Variants in FAM219A observed in about 807,000 individuals in gnomAD.
The protein encoded by FAM219A is family with sequence similarity 219 member A, also known as protein FAM219A.
A neutral mutation model predicts 23.4 loss-of-function variants in FAM219A; 7 were observed. That is an observed-to-expected ratio of 0.30 (90% CI 0.17 to 0.56). FAM219A has a LOEUF of 0.56. FAM219A is among the 20% of genes least tolerant of loss of function. FAM219A has a pLI of 0.92. For missense variants in FAM219A, 166 were observed against 246.9 expected (o/e 0.67, Z 2.20); for synonymous variants, 93 against 99.0 (o/e 0.94, Z 0.36).
intron 1 of FAM219A, among the ~76,000 whole-genome samples, chr9:34,427,998 C>T (rs866177050): frequency 1.2e-4 from 18 of 152,176 alleles, no homozygotes; most frequent in Non-Finnish European, 1.8e-4. Flanking sequence ...TTCTTTGTGA[C>T]TAAAGGGCTA....
intron 1 of FAM219A, among the ~76,000 whole-genome samples, chr9:34,416,278 G>GGAAGGAAGGAAC (rs1490651502): frequency 5.5e-5 from 6 of 109,914 alleles, no homozygotes; most frequent in Non-Finnish European, 1.3e-4. Context: ...AGGGAGGGAA[G>GGAAGGAAGGAAC]GAAGGAAGGA....
chr9:34,401,846 A>T lies in FAM219A; in HGVS notation c.345-126T>A, dbSNP rs1821447410. ...CAGTTCCAAATAGCAAAATCTCAATACGAACTGTGCTTGCTGTGCAAATGC... is the reference window on the plus strand; with the variant it reads ...CAGTTCCAAATAGCAAAATCTCAATTCGAACTGTGCTTGCTGTGCAAATGC... On this transcript the variant is annotated intron_variant, in intron 4 of 5. Transcript: ENST00000651358. 2.9e-6 allele frequency: 3 copies of T among 1,025,558 alleles called. No individual in the cohort carries two copies. In the South Asian group the frequency reaches 4.5e-5, roughly 15 times the overall value. 63.5% of individuals were successfully genotyped at this position (1,025,558 alleles called of 1,614,324 possible).
At chr9:34,432,730 G>T (rs892953242) in intron 1 of FAM219A, among the ~76,000 whole-genome samples, 1 of 152,102 alleles carries the variant, frequency 6.6e-6, no homozygotes, top group African/African-American at 2.4e-5. Flanking sequence ...CTGGCGTCAC[G>T]TTCCTCCCCC....
chr9:34,449,477 C>T (rs1823487848), intron 1 of FAM219A, among the ~76,000 whole-genome samples: 1 of 152,122 alleles, frequency 6.6e-6, no homozygotes. Context: ...GCCTGTGCAC[C>T]TAACCAAAGT....
rs537177693 is a variant in FAM219A at position 34,439,208 on chromosome 9, T to G, written c.60+18996A>C. Among the ~76,000 whole-genome samples the G allele has an allele frequency of 1.4e-4, 22 of 152,202 alleles. No individual in the cohort carries two copies. The East Asian group carries it at 4.2e-3, about 29-fold the overall frequency. On this transcript the variant is annotated intron_variant, in intron 1 of 5. Coordinates refer to ENST00000651358, the MANE Select transcript of FAM219A (RefSeq NM_001184940.2). ...AGAACTGTAACACTCACCGCGAGGG[T>G]CCGCGGCTTTATTCTTGAAGTCAGT...
At position 34,457,117 on chromosome 9, in the gene FAM219A, G is replaced by A. The variant is rs949415212; in HGVS notation, c.60+1087C>T. ...CAGCCAGCACAGCTCAGAGAAATGG[G>A]GCATCCACACTTTCGGATTTGTAGC... On this transcript the variant is annotated intron_variant, in intron 1 of 5. Coordinates refer to ENST00000651358, the MANE Select transcript of FAM219A (RefSeq NM_001184940.2). This position sits in a 1 kb window ranked among gnomAD's most constrained non-coding sequence, Gnocchi z 5.1. 6.6e-6 allele frequency among the ~76,000 whole-genome samples: 1 copy of A among 152,170 alleles called. No homozygotes were observed. Among genetic ancestry groups the A allele is most frequent in the African/African-American group, 2.4e-5 (1 of 41,438 alleles).
intron 1 of FAM219A, among the ~76,000 whole-genome samples, chr9:34,412,399 A>G (rs12377360): frequency 0.12 from 18,978 of 152,270 alleles, 1,565 homozygotes; most frequent in Non-Finnish European, 0.18. Flanking sequence ...AAGTTATTAA[A>G]TGCAGAAGAA....
chr9:34,438,588 A>G (rs1239676788), intron 1 of FAM219A, among the ~76,000 whole-genome samples: 1 of 152,156 alleles, frequency 6.6e-6, no homozygotes, highest in Non-Finnish European at 1.5e-5. Flanking sequence ...AAATACACCA[A>G]TCGGCACTCT....
chr9:34,453,317 A>C (rs1026269342), intron 1 of FAM219A, among the ~76,000 whole-genome samples: 5 of 152,120 alleles, frequency 3.3e-5, no homozygotes, highest in Non-Finnish European at 7.4e-5. Context: ...CCACTGAATT[A>C]ATGTCCCGTC....
intron 1 of FAM219A, among the ~76,000 whole-genome samples, chr9:34,445,573 T>G (rs1443913683): frequency 6.6e-6 from 1 of 152,154 alleles, no homozygotes; most frequent in African/African-American, 2.4e-5. Flanking sequence ...ATGGCTGGAC[T>G]TACTAGAAAG....
Position 34,402,684 on chromosome 9 carries a change from T to TG in FAM219A, c.263+20dup, listed in dbSNP as rs759205089. 2.5e-6 allele frequency: 4 copies of TG among 1,612,036 alleles called. No individual in the cohort carries two copies. The South Asian group carries it at 4.4e-5, about 18-fold the overall frequency. On this transcript the variant is annotated intron_variant, in intron 3 of 5. Coordinates refer to ENST00000651358, the MANE Select transcript of FAM219A (RefSeq NM_001184940.2). ...TAGGTCCTGGCTGGCAGGGTCCAGGTGGGGTAGGGAGGGCCTCTACCTTGT... is the reference window on the plus strand; with the variant it reads ...TAGGTCCTGGCTGGCAGGGTCCAGGTGGGGGTAGGGAGGGCCTCTACCTTGT...
chr9:34,450,308 C>CAA (rs35932974), intron 1 of FAM219A, among the ~76,000 whole-genome samples: 3,269 of 125,650 alleles, frequency 0.026, 125 homozygotes, highest in African/African-American at 0.085. Context: ...GACCCTGTCT[C>CAA]AAAAAAAAAA....
At chr9:34,433,421 A>ACT (rs906696715) in intron 1 of FAM219A, among the ~76,000 whole-genome samples, 1 of 152,198 alleles carries the variant, frequency 6.6e-6, no homozygotes, top group African/African-American at 2.4e-5. Flanking sequence ...CCTTCTCAGC[A>ACT]TATTCCAGGA....
chr9:34,458,142 C>T lies in FAM219A; in HGVS notation c.60+62G>A. The T allele has an allele frequency of 1.4e-6, 2 of 1,463,162 alleles. No individual in the cohort carries two copies. The highest frequency in any genetic ancestry group is 9.2e-7 in the Non-Finnish European group (1 of 1,088,854). The allele number at this position is 1,463,162 out of a possible 1,614,324, so 90.6% of individuals were successfully genotyped here. On this transcript the variant is annotated intron_variant, in intron 1 of 5. Transcript: ENST00000651358. This position sits in a 1 kb window ranked among gnomAD's most constrained non-coding sequence, Gnocchi z 6.6. ...CCGCACGATCCCCCCGGCCTGATTC[C>T]CTCCCTCCCCCTCAAGCGACGCCCC...
intron 1 of FAM219A, among the ~76,000 whole-genome samples, chr9:34,442,397 A>G (rs1377095098): frequency 1.3e-5 from 2 of 152,252 alleles, no homozygotes; most frequent in East Asian, 3.8e-4. Context: ...TAAAAGAGAC[A>G]TATCAGGCCA....
At chr9:34,433,332 A>T (rs918677389) in intron 1 of FAM219A, among the ~76,000 whole-genome samples, 3 of 152,140 alleles carry the variant, frequency 2.0e-5, no homozygotes, top group African/African-American at 7.2e-5. Flanking sequence ...TGGGAAACTA[A>T]TCATGAACCT....
At position 34,398,281 on chromosome 9, in the gene FAM219A, A is replaced by G. The variant is rs1220369194; in HGVS notation, c.*2683T>C. 1 of 1,550,602 alleles carries G rather than the reference A, an allele frequency of 6.4e-7. No homozygotes were observed. Among genetic ancestry groups the G allele is most frequent in the African/African-American group, 1.4e-5 (1 of 73,018 alleles). On this transcript the variant is annotated 3_prime_UTR_variant, in exon 6 of 6. Coordinates refer to ENST00000651358, the MANE Select transcript of FAM219A (RefSeq NM_001184940.2). ...CAATGAAAATGTTAAAAAAAATATT[A>G]TACACGGCTCATGTCTTCCACACAC...
At chr9:34,440,646 C>T (rs1018867570) in intron 1 of FAM219A, among the ~76,000 whole-genome samples, 1 of 151,838 alleles carries the variant, frequency 6.6e-6, no homozygotes, top group African/African-American at 2.4e-5. Context: ...GTCAGGAGAT[C>T]GAGACCATCC....
At chr9:34,451,534 C>A (rs1564019778) in intron 1 of FAM219A, among the ~76,000 whole-genome samples, 1 of 152,196 alleles carries the variant, frequency 6.6e-6, no homozygotes, top group Non-Finnish European at 1.5e-5. Context: ...TTCCCATGTT[C>A]CCTTTCCAGA....
Sources: allele counts gnomAD v4.1 joint callset (sites outside exome capture counted in the v4.1 genomes callset), GRCh38; gene constraint gnomAD v4.1.1; non-coding constraint Gnocchi (gnomAD v3.1); transcripts MANE v1.5; gene names NCBI Gene and HGNC (gene_info 2026-07-23, HGNC 2026-07-21).